Variants in TMEFF2 observed in about 807,000 individuals in gnomAD.
The protein encoded by TMEFF2 is tomoregulin-2.
Under a neutral mutation model 53.8 loss-of-function variants are expected in TMEFF2, and 28 were observed. The ratio of observed to expected loss-of-function variants is 0.52; its 90% CI spans 0.39 to 0.71. The LOEUF is 0.71. Among genes scored for constraint, TMEFF2 ranks in the 30% least tolerant of loss-of-function variants. The pLI is 0.00. For missense variants in TMEFF2, 353 were observed against 455.2 expected, an observed-to-expected ratio of 0.78 and a Z score of 2.04; for synonymous variants, 162 against 166.3, an observed-to-expected ratio of 0.97 and a Z score of 0.20.
intron 5 of TMEFF2, among the ~76,000 whole-genome samples, chr2:192,016,298 C>T (rs1010643322): frequency 6.6e-6 from 1 of 152,182 alleles, no homozygotes; most frequent in Non-Finnish European, 1.5e-5. Flanking sequence ...GAATACATGT[C>T]TACCTTTCTT....
intron 5 of TMEFF2, among the ~76,000 whole-genome samples, chr2:192,012,778 C>T (rs906890930): frequency 3.3e-5 from 5 of 151,986 alleles, no homozygotes; most frequent in African/African-American, 1.2e-4. Flanking sequence ...ATTACAGAGT[C>T]ACTTGGATCA....
intron 4 of TMEFF2, chr2:192,177,727 G>C (rs1361692222): frequency 3.3e-5 from 5 of 151,022 alleles, no homozygotes. Flanking sequence ...TGTTTTCCAA[G>C]TGATGTTTCA....
chr2:192,056,534 G>A (rs183951128), intron 5 of TMEFF2, among the ~76,000 whole-genome samples: 1 of 152,252 alleles, frequency 6.6e-6, no homozygotes, highest in African/African-American at 2.4e-5. Flanking sequence ...TGTGCTTAAG[G>A]TGGGACGAAT....
chr2:192,086,990 A>T (rs1403091742), intron 4 of TMEFF2, among the ~76,000 whole-genome samples: 2 of 151,324 alleles, frequency 1.3e-5, no homozygotes, highest in Non-Finnish European at 2.9e-5. Flanking sequence ...ACATTAAATT[A>T]TATTCTCAAT....
intron 9 of TMEFF2, among the ~76,000 whole-genome samples, chr2:191,951,605 T>A (rs1022421390): frequency 1.3e-5 from 2 of 152,038 alleles, no homozygotes; most frequent in African/African-American, 4.8e-5. Flanking sequence ...CAGACAAATG[T>A]GGCCAGGTCA....
At chr2:191,997,484 A>G (rs1686251486) in intron 7 of TMEFF2, among the ~76,000 whole-genome samples, 2 of 151,678 alleles carry the variant, frequency 1.3e-5, no homozygotes, top group Admixed American at 1.3e-4. Flanking sequence ...AAATCTAGTT[A>G]TGATTGCTTA....
intron 5 of TMEFF2, among the ~76,000 whole-genome samples, chr2:192,011,527 A>T (rs1258193836): frequency 6.6e-6 from 1 of 152,270 alleles, no homozygotes; most frequent in Non-Finnish European, 1.5e-5. Flanking sequence ...GCTTCATCTC[A>T]GAAGACTTTT....
At chr2:191,991,586 C>T (rs888958517) in intron 7 of TMEFF2, among the ~76,000 whole-genome samples, 2 of 152,066 alleles carry the variant, frequency 1.3e-5, no homozygotes, top group African/African-American at 2.4e-5. Flanking sequence ...TAAATTACCA[C>T]GATAGCATGG....
intron 7 of TMEFF2, among the ~76,000 whole-genome samples, chr2:191,990,416 A>AGTGTGTGTGTGTGTGT (rs55848067): frequency 0.11 from 16,657 of 147,114 alleles, 1,096 homozygotes; most frequent in African/African-American, 0.17. Context: ...TGCTCAGAAT[A>AGTGTGTGTGTGTGTGT]GTGTGTGTGT....
intron 4 of TMEFF2, among the ~76,000 whole-genome samples, chr2:192,145,370 G>A (rs1690224647): frequency 6.6e-6 from 1 of 151,786 alleles, no homozygotes; most frequent in Admixed American, 6.6e-5. Context: ...GTAAAATGCT[G>A]AGCTGAAAAG....
At chr2:191,973,529 T>C (rs1692714116) in intron 7 of TMEFF2, among the ~76,000 whole-genome samples, 1 of 152,120 alleles carries the variant, frequency 6.6e-6, no homozygotes, top group South Asian at 2.1e-4. Context: ...TTTTCTTTGA[T>C]AAAGTAGGAG....
At chr2:192,189,932 A>ACTATTTAAATGTGG (rs1691421117) in intron 2 of TMEFF2, among the ~76,000 whole-genome samples, 1 of 152,204 alleles carries the variant, frequency 6.6e-6, no homozygotes, top group Non-Finnish European at 1.5e-5. Flanking sequence ...GTACACTAGT[A>ACTATTTAAATGTGG]CATTTAAAAT....
intron 5 of TMEFF2, among the ~76,000 whole-genome samples, chr2:192,012,523 C>A (rs1686653732): frequency 2.0e-5 from 3 of 152,068 alleles, no homozygotes; most frequent in Admixed American, 2.0e-4. Context: ...CATTATTCAT[C>A]CAAATGTTGT....
In TMEFF2 at chr2:191,950,252, A is replaced by G; in HGVS notation, c.*59T>C. The G allele has an allele frequency of 1.9e-6, 3 of 1,605,368 alleles. No homozygotes were observed. The highest frequency in any genetic ancestry group is 2.6e-6 in the Non-Finnish European group (3 of 1,176,026). On this transcript the variant is annotated 3_prime_UTR_variant, in exon 10 of 10. Coordinates refer to ENST00000272771, the MANE Select transcript of TMEFF2 (RefSeq NM_016192.4). ...TCTCTTGTCTTATTCTTTTGTCTATAATACTGTATTGTGTAGTCCAAGCTC... is the reference window on the plus strand; with the variant it reads ...TCTCTTGTCTTATTCTTTTGTCTATGATACTGTATTGTGTAGTCCAAGCTC...
intron 4 of TMEFF2, chr2:192,177,102 G>C (rs1254655591): frequency 2.6e-5 from 4 of 151,256 alleles, no homozygotes; most frequent in Non-Finnish European, 4.5e-5. Flanking sequence ...ATGTTATATA[G>C]AGATTAGTTA....
At chr2:192,134,839 C>T (rs1260870478) in intron 4 of TMEFF2, among the ~76,000 whole-genome samples, 2 of 152,146 alleles carry the variant, frequency 1.3e-5, no homozygotes, top group African/African-American at 4.8e-5. Context: ...AACAGACCAG[C>T]CTTTATTAGT....
chr2:192,149,152 G>C (rs1428985771), intron 4 of TMEFF2, among the ~76,000 whole-genome samples: 1 of 151,928 alleles, frequency 6.6e-6, no homozygotes, highest in African/African-American at 2.4e-5. Context: ...GGTTTTGTTG[G>C]ATTGGGAAGT....
At chr2:192,095,007 A>G (rs73045706) in intron 4 of TMEFF2, among the ~76,000 whole-genome samples, 2,211 of 152,002 alleles carry the variant, frequency 0.015, 49 homozygotes, top group African/African-American at 0.05. Flanking sequence ...TATTTTTAGC[A>G]GTTTTTGGCT....
At chr2:192,176,305 G>C (rs1396148775) in intron 4 of TMEFF2, among the ~76,000 whole-genome samples, 1 of 151,200 alleles carries the variant, frequency 6.6e-6, no homozygotes, top group Non-Finnish European at 1.5e-5. Context: ...ATTTGATGTA[G>C]ATGCCTTTCA....
Sources: allele counts gnomAD v4.1 joint callset (sites outside exome capture counted in the v4.1 genomes callset), GRCh38; gene constraint gnomAD v4.1.1; transcripts MANE v1.5; gene names NCBI Gene and HGNC (gene_info 2026-07-23, HGNC 2026-07-21).